Variants in CDCA7L observed in about 807,000 individuals in gnomAD.
CDCA7L encodes cell division cycle associated 7 like, also known as cell division cycle-associated 7-like protein.
In CDCA7L, 44 loss-of-function variants were observed where a neutral mutation model predicts 57.4. The observed-to-expected ratio is 0.77, with a 90% CI of 0.60 to 0.98. The LOEUF is 0.98. Among genes scored for constraint, CDCA7L ranks in the 50% least tolerant of loss-of-function variants. The pLI is 0.00. For synonymous variants in CDCA7L, 236 were observed against 202.8 expected (o/e 1.16, Z -1.39); for missense variants, 644 against 580.6 (o/e 1.11, Z -1.12).
Position 21,926,331 on chromosome 7 carries a change from A to G in CDCA7L, c.25-9437T>C, listed in dbSNP as rs559583519. Among the ~76,000 whole-genome samples, 6 of 152,342 alleles carry G rather than the reference A, an allele frequency of 3.9e-5. No individual in the cohort carries two copies. In the South Asian group the frequency reaches 1.2e-3, roughly 32 times the overall value. On this transcript the variant is annotated intron_variant, in intron 1 of 9. Transcript: ENST00000406877. Reference sequence around the variant, plus strand: ...TCAAAATTAAAAACTGTTGTGCATCAAAGGACAGCAAGAAAGTGAAAAGAA... The same window carrying G: ...TCAAAATTAAAAACTGTTGTGCATCGAAGGACAGCAAGAAAGTGAAAAGAA...
chr7:21,906,800 T>C lies in CDCA7L; in HGVS notation c.682-161A>G, dbSNP rs77485692. Among the ~76,000 whole-genome samples the C allele has an allele frequency of 3.8e-3, 581 of 152,320 alleles. 2 individuals are homozygous for C. The highest frequency in any genetic ancestry group is 8.6e-3 in the African/African-American group (357 of 41,582). On this transcript the variant is annotated intron_variant, in intron 4 of 9. Transcript: ENST00000406877. Reference sequence around the variant, plus strand: ...ATACTTTTAACCTCACATGTAAAGATTGTACCTCCAGACCTGAGATGCTGA... The same window carrying C: ...ATACTTTTAACCTCACATGTAAAGACTGTACCTCCAGACCTGAGATGCTGA...
chr7:21,913,168 A>C (rs1298889259), intron 2 of CDCA7L, among the ~76,000 whole-genome samples: 1 of 152,228 alleles, frequency 6.6e-6, no homozygotes, highest in Non-Finnish European at 1.5e-5. Flanking sequence ...AGATAGATAT[A>C]ATAGACAAGT....
intron 1 of CDCA7L, among the ~76,000 whole-genome samples, chr7:21,937,979 A>T (rs1176797870): frequency 6.6e-6 from 1 of 152,206 alleles, no homozygotes; most frequent in Non-Finnish European, 1.5e-5. Flanking sequence ...AAACTCATGG[A>T]AGAAAATACA....
chr7:21,906,702 C>A (rs1583843577), intron 4 of CDCA7L, 63 bp from the exon 5 acceptor site: 1 of 1,486,540 alleles, frequency 6.7e-7, no homozygotes, highest in East Asian at 2.3e-5. Context: ...GGTCATCCAA[C>A]ACCTATCTCA....
At chr7:21,927,551 A>G (rs1785866563) in intron 1 of CDCA7L, among the ~76,000 whole-genome samples, 1 of 152,190 alleles carries the variant, frequency 6.6e-6, no homozygotes, top group Non-Finnish European at 1.5e-5. Flanking sequence ...GCACACCAAT[A>G]TAGGAATGAT....
Position 21,906,542 on chromosome 7 carries a change from G to A in CDCA7L, c.753+26C>T, listed in dbSNP as rs769958757. The A allele has an allele frequency of 1.9e-5, 31 of 1,612,564 alleles. No homozygotes were observed. The Admixed American group carries it at 3.2e-4, about 16-fold the overall frequency. Reference sequence around the variant, plus strand: ...GGCTGATCACCATATATCAGTATTGGTATAATTATAAGGAGTTCTACTTAC... The same window carrying A: ...GGCTGATCACCATATATCAGTATTGATATAATTATAAGGAGTTCTACTTAC... On this transcript the variant is annotated intron_variant, in intron 5 of 9. Transcript: ENST00000406877.
chr7:21,900,955 ATCATTAG>A lies in CDCA7L; in HGVS notation c.*1360_*1366del. On this transcript the variant is annotated 3_prime_UTR_variant, in exon 10 of 10. Coordinates refer to ENST00000406877, the MANE Select transcript of CDCA7L (RefSeq NM_018719.5). ...GCATCAAACAACTTACTTGATCATTATCATTAGTAGCAAGCTGCCACACAATTGCAAC... is the reference window on the plus strand; with the variant it reads ...GCATCAAACAACTTACTTGATCATTATAGCAAGCTGCCACACAATTGCAAC... The A allele has an allele frequency of 6.6e-7, 1 of 1,511,010 alleles. No individual in the cohort carries two copies. The allele number at this position is 1,511,010 out of a possible 1,614,324, so 93.6% of individuals were successfully genotyped here.
chr7:21,912,561 A>T (rs1785366962), intron 2 of CDCA7L, among the ~76,000 whole-genome samples: 1 of 152,200 alleles, frequency 6.6e-6, no homozygotes, highest in Non-Finnish European at 1.5e-5. Flanking sequence ...TTCCCTTTCC[A>T]ACAGCCTTTC....
At chr7:21,945,493 T>TAGCTCCCCGCC (rs1362007744) in intron 1 of CDCA7L, among the ~76,000 whole-genome samples, 1 of 151,882 alleles carries the variant, frequency 6.6e-6, no homozygotes, top group African/African-American at 2.4e-5. Context: ...TGCGCCCCGC[T>TAGCTCCCCGCC]AGCTCCCCGC....
intron 1 of CDCA7L, chr7:21,940,214 A>G (rs1477524495): frequency 8.6e-6 from 4 of 463,266 alleles, no homozygotes; most frequent in Non-Finnish European, 1.1e-5. Context: ...CAAGTCAAAT[A>G]GCCTTGACTG....
chr7:21,929,631 C>CAAAAAAAAAA (rs57283961), intron 1 of CDCA7L, among the ~76,000 whole-genome samples: 28 of 35,506 alleles, frequency 7.9e-4, no homozygotes, highest in East Asian at 3.4e-3. Flanking sequence ...AAATGGAAAG[C>CAAAAAAAAAA]AAAAAAAAAA....
In CDCA7L at chr7:21,916,764, G is replaced by T; in HGVS notation, c.155C>A (p.Ser52Ter). 1 of 1,613,906 alleles carries T rather than the reference G, an allele frequency of 6.2e-7. No individual in the cohort carries two copies. The highest frequency in any genetic ancestry group is 1.1e-5 in the South Asian group (1 of 91,044). ...AGGAATCATCCATACCTGTTTCCCT[G>T]ACTCTAGTGAGTCAAAACTATCGCA... Reference protein sequence around the residue: ...ESCDSFDSLESGKQQDVRFHS... With the variant: ...ESCDSFDSLE The change falls in exon 2 of 10, where the codon TCA becomes TAA. Residue 52 changes from serine to a stop codon, truncating the protein, a stop_gained. Transcript: ENST00000406877. LOFTEE classifies it high-confidence loss of function.
intron 2 of CDCA7L, among the ~76,000 whole-genome samples, chr7:21,914,917 C>A (rs1785433531): frequency 6.6e-6 from 1 of 152,162 alleles, no homozygotes; most frequent in South Asian, 2.1e-4. Context: ...TTTCTTAATG[C>A]CCGGTGCCTG....
chr7:21,906,208 TG>T, intron 6 of CDCA7L, 80 bp downstream of exon 6: 2 of 1,392,392 alleles, frequency 1.4e-6, no homozygotes, highest in Non-Finnish European at 2.0e-6. Flanking sequence ...GAACCAGCCC[TG>T]GGGTGACAGT....
At chr7:21,911,985 G>C (rs762808420) in intron 2 of CDCA7L, among the ~76,000 whole-genome samples, 1 of 150,892 alleles carries the variant, frequency 6.6e-6, no homozygotes, top group Non-Finnish European at 1.5e-5. Flanking sequence ...AACACTGGCC[G>C]GGTACAGTGG....
Position 21,901,528 on chromosome 7 carries a change from C to T in CDCA7L, c.*794G>A, listed in dbSNP as rs1562615683. The T allele has an allele frequency of 7.7e-6, 2 of 258,362 alleles. No homozygotes were observed. Among genetic ancestry groups the T allele is most frequent in the Non-Finnish European group, 1.4e-5 (2 of 139,554 alleles). 16.0% of individuals were successfully genotyped at this position (258,362 alleles called of 1,614,324 possible). ...AGGTTGCAGTGAGCCGAGGTTGCAC[C>T]ACTGCACTCCCTCCTGGGCAACAGA... On this transcript the variant is annotated 3_prime_UTR_variant, in exon 10 of 10. Transcript: ENST00000406877.
At chr7:21,942,416 A>G (rs1452174823) in intron 1 of CDCA7L, among the ~76,000 whole-genome samples, 1 of 152,160 alleles carries the variant, frequency 6.6e-6, no homozygotes, top group Non-Finnish European at 1.5e-5. Flanking sequence ...CCCCAGTAGT[A>G]TTTTCTTATC....
chr7:21,908,246 C>T lies in CDCA7L; in HGVS notation c.565G>A (p.Val189Met). ...GAGGTAGAATCTTCCCTTTGTATCACCTGTCTACAGTCTTTCTTTCTTTCA... is the reference window on the plus strand; with the variant it reads ...GAGGTAGAATCTTCCCTTTGTATCATCTGTCTACAGTCTTTCTTTCTTTCA... ...ILERKKDCRQ[V>M]IQREDSTSES... is the part of the protein sequence containing the mutation. The change falls in exon 4 of 10, where the codon GTG (valine) becomes ATG (methionine). Residue 189 changes from valine to methionine, a missense_variant. Transcript: ENST00000406877. The T allele has an allele frequency of 5.0e-6, 8 of 1,613,728 alleles. No homozygotes were observed. Among genetic ancestry groups the T allele is most frequent in the African/African-American group, 1.3e-5 (1 of 74,984 alleles).
At chr7:21,911,884 G>C in intron 2 of CDCA7L, 130 bp from the exon 3 acceptor site, 1 of 714,876 alleles carries the variant, frequency 1.4e-6, no homozygotes, top group Non-Finnish European at 2.3e-6. Flanking sequence ...GGACAACAAT[G>C]TGAATGTACT....
Sources: gnomAD v4.1 joint callset for allele counts (sites outside exome capture counted in the v4.1 genomes callset) on GRCh38, gnomAD v4.1.1 for gene constraint, MANE v1.5 for transcripts, NCBI Gene and HGNC (gene_info 2026-07-23, HGNC 2026-07-21) for gene names.